FOXJ3: variants seen among roughly 807,000 people sequenced by gnomAD.
FOXJ3 encodes the protein forkhead box protein J3.
FOXJ3 carries 22 observed loss-of-function variants against 76.1 expected under a neutral mutation model. That is an observed-to-expected ratio of 0.29 (90% CI 0.21 to 0.41). The LOEUF (loss-of-function observed/expected upper bound fraction) is 0.41, where lower values mean the gene tolerates loss of function less well. Ranked by LOEUF, FOXJ3 falls within the 10% of genes least tolerant of loss-of-function variation. The pLI, the probability that FOXJ3 is intolerant of heterozygous loss-of-function variation, is 1.00. For missense variants in FOXJ3, 613 were observed against 762.1 expected, an observed-to-expected ratio of 0.80 and a Z score of 2.30; for synonymous variants, 269 against 261.2, an observed-to-expected ratio of 1.03 and a Z score of -0.29.
At chr1:42,323,281 T>TA (rs1655540551) in intron 1 of FOXJ3, among the ~76,000 whole-genome samples, 1 of 152,202 alleles carries the variant, frequency 6.6e-6, no homozygotes, top group African/African-American at 2.4e-5. Context: ...TTCAATATCC[T>TA]AAAATGCTTT....
chr1:42,320,239 C>A (rs754845674), intron 1 of FOXJ3, among the ~76,000 whole-genome samples: 4 of 152,052 alleles, frequency 2.6e-5, no homozygotes, highest in Non-Finnish European at 4.4e-5. Flanking sequence ...CCTGGCCAAA[C>A]ATCACAGAGC....
intron 2 of FOXJ3, 57 bp downstream of exon 2, chr1:42,310,993 A>C: frequency 1.0e-6 from 1 of 996,756 alleles, no homozygotes. Flanking sequence ...TGAGGTGACC[A>C]GTCTAACTTT....
intron 4 of FOXJ3, among the ~76,000 whole-genome samples, chr1:42,250,023 A>G (rs1489751911): frequency 1.3e-5 from 2 of 152,228 alleles, no homozygotes; most frequent in Non-Finnish European, 2.9e-5. Context: ...GCTTGAATAT[A>G]AAATTTAGAA....
intron 4 of FOXJ3, among the ~76,000 whole-genome samples, chr1:42,245,604 T>C (rs1471079279): frequency 6.6e-6 from 1 of 152,144 alleles, no homozygotes; most frequent in African/African-American, 2.4e-5. Context: ...GAAAAAGCAT[T>C]TGATAAAATT....
In FOXJ3 at chr1:42,179,649, ACCTTTC is replaced by A; in HGVS notation, c.*55_*60del. 9.7e-7 allele frequency: 1 copy of A among 1,026,240 alleles called. No homozygotes were observed. Among genetic ancestry groups the A allele is most frequent in the Non-Finnish European group, 1.5e-6 (1 of 653,638 alleles). The allele number at this position is 1,026,240 out of a possible 1,614,324, so 63.6% of individuals were successfully genotyped here. ...TGTTTTCTCAACTGGATTCTCTTAA[ACCTTTC>A]CCTTCACTGCACAGAAAGGTAACGT... On this transcript the variant is annotated 3_prime_UTR_variant, in exon 13 of 13. Coordinates refer to ENST00000361346, the MANE Select transcript of FOXJ3 (RefSeq NM_014947.5).
At chr1:42,199,319 G>T (rs1646714143) in intron 6 of FOXJ3, 89 bp from the exon 7 acceptor site, 1 of 1,152,446 alleles carries the variant, frequency 8.7e-7, no homozygotes, top group Non-Finnish European at 1.2e-6. Context: ...CATATGGCAA[G>T]AAGAAAAAAA....
At chr1:42,204,713 C>A (rs141457774) in intron 6 of FOXJ3, among the ~76,000 whole-genome samples, 1 of 151,888 alleles carries the variant, frequency 6.6e-6, no homozygotes, top group South Asian at 2.1e-4. Context: ...CCCCCACCCC[C>A]CAACTGCCCC....
chr1:42,183,487 C>T (rs1311373305), intron 11 of FOXJ3, among the ~76,000 whole-genome samples: 4 of 151,732 alleles, frequency 2.6e-5, no homozygotes, highest in Admixed American at 6.6e-5. Flanking sequence ...ATGTCAACTA[C>T]GTTACATCAC....
In FOXJ3 at chr1:42,199,171, G is replaced by T. The variant is rs770643064; in HGVS notation, c.690C>A (p.Asn230Lys). 1 of 1,612,562 alleles carries T rather than the reference G, an allele frequency of 6.2e-7. No homozygotes were observed. Among genetic ancestry groups the T allele is most frequent in the African/African-American group, 1.3e-5 (1 of 74,890 alleles). Residue 230 changes from asparagine (N) to lysine (K), a missense_variant, in exon 7 of 13, where the codon AAC becomes AAA. Physicochemically the swap from Asn to Lys is moderately conservative, Grantham distance 94. Around this residue, in one of 3 missense-constraint regions of FOXJ3, gnomAD observed 526 missense variants for 601.4 expected, o/e 0.87. Transcript: ENST00000361346. Reference protein sequence around the residue: ...GSDSPRSSLNNSLSDQSLASV... With the variant: ...GSDSPRSSLNKSLSDQSLASV... ...ATGCCAAACTCTGGTCTGAGAGACT[G>T]TTGTTAAGGCTACTGCGTGGGCTAT...
intron 6 of FOXJ3, among the ~76,000 whole-genome samples, chr1:42,203,733 C>T (rs767383735): frequency 3.3e-5 from 5 of 152,110 alleles, no homozygotes; most frequent in Non-Finnish European, 5.9e-5. Context: ...TGGTGGCTCA[C>T]ACCTGTAATC....
chr1:42,321,551 T>C (rs1570252240), intron 1 of FOXJ3, among the ~76,000 whole-genome samples: 1 of 152,180 alleles, frequency 6.6e-6, no homozygotes, highest in Non-Finnish European at 1.5e-5. Flanking sequence ...ACAGACCTGA[T>C]GTATGTACCA....
At chr1:42,195,178 T>C in intron 7 of FOXJ3, 114 bp from the exon 8 acceptor site, 1 of 759,752 alleles carries the variant, frequency 1.3e-6, no homozygotes, top group Non-Finnish European at 2.0e-6. Context: ...AGAAAATAAC[T>C]CTTCTGTCTT....
intron 2 of FOXJ3, among the ~76,000 whole-genome samples, chr1:42,306,738 T>C (rs771785027): frequency 2.0e-5 from 3 of 152,216 alleles, no homozygotes; most frequent in Non-Finnish European, 4.4e-5. Context: ...CTGCAAATAC[T>C]TGTGAATCTT....
intron 2 of FOXJ3, among the ~76,000 whole-genome samples, chr1:42,285,032 A>G (rs1038856954): frequency 6.6e-6 from 1 of 152,214 alleles, no homozygotes; most frequent in Non-Finnish European, 1.5e-5. Flanking sequence ...ACTATGTCAC[A>G]AAGTTAGTAT....
intron 4 of FOXJ3, among the ~76,000 whole-genome samples, chr1:42,254,410 T>C (rs1418599297): frequency 3.4e-5 from 5 of 147,020 alleles, no homozygotes; most frequent in African/African-American, 1.3e-4. Flanking sequence ...AGTGTGGCGA[T>C]TCCTCAGGGA....
chr1:42,212,440 T>C (rs950290387), intron 5 of FOXJ3, among the ~76,000 whole-genome samples: 5 of 151,990 alleles, frequency 3.3e-5, no homozygotes, highest in Admixed American at 2.6e-4. Flanking sequence ...CAAAATGTGG[T>C]AGAAAGTTTT....
At chr1:42,231,669 C>G (rs1054510162) in intron 4 of FOXJ3, among the ~76,000 whole-genome samples, 2 of 151,826 alleles carry the variant, frequency 1.3e-5, no homozygotes, top group African/African-American at 4.8e-5. Flanking sequence ...TACCTCTCAG[C>G]CGTTTCTATT....
At chr1:42,191,210 G>A in intron 9 of FOXJ3, 93 bp downstream of exon 9, 3 of 1,181,332 alleles carry the variant, frequency 2.5e-6, no homozygotes, top group Non-Finnish European at 3.5e-6. Context: ...ATGTAAAGAG[G>A]TTTTGGTAGT....
At chr1:42,281,876 T>C (rs1455490180) in intron 2 of FOXJ3, among the ~76,000 whole-genome samples, 1 of 152,064 alleles carries the variant, frequency 6.6e-6, no homozygotes, top group East Asian at 1.9e-4. Flanking sequence ...CTGACCAACA[T>C]GGTGAAACCC....
Sources: gnomAD v4.1 joint callset for allele counts (sites outside exome capture counted in the v4.1 genomes callset) on GRCh38, gnomAD v4.1.1 for gene constraint, gnomAD v4.1.1 regional missense constraint, MANE v1.5 for transcripts, NCBI Gene and HGNC (gene_info 2026-07-23, HGNC 2026-07-21) for gene names.